Variants in ANO4 observed in about 807,000 individuals in gnomAD.
The protein encoded by ANO4 is anoctamin 4.
ANO4 carries 69 observed loss-of-function variants against 141.9 expected under a neutral mutation model. That is an observed-to-expected ratio of 0.49 (90% CI 0.40 to 0.59). ANO4 has a LOEUF of 0.59. ANO4 is among the 20% of genes least tolerant of loss of function. The pLI is 0.00. For missense variants in ANO4, 894 were observed against 1,162.2 expected (o/e 0.77, Z 3.36); for synonymous variants, 350 against 394.3 (o/e 0.89, Z 1.33).
intron 8 of ANO4, among the ~76,000 whole-genome samples, chr12:101,004,296 C>A (rs961277343): frequency 6.6e-6 from 1 of 152,026 alleles, no homozygotes; most frequent in African/African-American, 2.4e-5. Flanking sequence ...CTCAGAGAGG[C>A]CCTGTGGAGC....
At chr12:101,014,244 A>G (rs2046224587) in intron 8 of ANO4, among the ~76,000 whole-genome samples, 1 of 152,190 alleles carries the variant, frequency 6.6e-6, no homozygotes, top group Non-Finnish European at 1.5e-5. Context: ...CCACAGGAAG[A>G]ACCTATCAAT....
chr12:100,772,633 C>T (rs916235905), intron 3 of ANO4, among the ~76,000 whole-genome samples: 2 of 152,200 alleles, frequency 1.3e-5, no homozygotes, highest in African/African-American at 2.4e-5. Flanking sequence ...TGGAGCCTGA[C>T]GCAGCTGCAG....
At chr12:100,940,673 C>A (rs1272518669) in intron 4 of ANO4, among the ~76,000 whole-genome samples, 1 of 152,026 alleles carries the variant, frequency 6.6e-6, no homozygotes, top group Non-Finnish European at 1.5e-5. Context: ...AAGGTTTGTG[C>A]AAGAATGTGG....
intron 1 of ANO4, among the ~76,000 whole-genome samples, chr12:100,896,433 G>A (rs1052686350): frequency 1.3e-5 from 2 of 152,288 alleles, no homozygotes; most frequent in African/African-American, 4.8e-5. Context: ...GCAAGGAATG[G>A]ATTCTCCCCA....
At chr12:100,819,547 C>T (rs2035920931) in intron 1 of ANO4, among the ~76,000 whole-genome samples, 1 of 151,794 alleles carries the variant, frequency 6.6e-6, no homozygotes, top group African/African-American at 2.4e-5. Context: ...CAGTTCAAAA[C>T]AAGCATCACT....
chr12:100,740,825 A>G (rs991169247), intron 3 of ANO4, among the ~76,000 whole-genome samples: 5 of 152,236 alleles, frequency 3.3e-5, no homozygotes, highest in Admixed American at 1.3e-4. Context: ...GTATTTATAT[A>G]TAAGGTTTTC....
intron 3 of ANO4, among the ~76,000 whole-genome samples, chr12:100,784,387 C>T (rs759878207): frequency 1.3e-5 from 2 of 152,182 alleles, no homozygotes; most frequent in Non-Finnish European, 2.9e-5. Context: ...TGATATGGTA[C>T]TCTTCCTCTA....
intron 1 of ANO4, among the ~76,000 whole-genome samples, chr12:100,865,977 T>C (rs962654745): frequency 1.3e-5 from 2 of 152,122 alleles, no homozygotes; most frequent in African/African-American, 4.8e-5. Context: ...CTCTGACATC[T>C]CTCTCCCTTA....
At chr12:101,060,719 T>C (rs1555291132) in intron 14 of ANO4, among the ~76,000 whole-genome samples, 2 of 152,216 alleles carry the variant, frequency 1.3e-5, no homozygotes, top group Non-Finnish European at 2.9e-5. Context: ...TTTTTTTCTT[T>C]CCATTTGCTT....
chr12:100,971,454 A>G, intron 6 of ANO4, 48 bp downstream of exon 6: 1 of 1,316,406 alleles, frequency 7.6e-7, no homozygotes, highest in Non-Finnish European at 1.1e-6. Context: ...CTTCACTGTA[A>G]ATCTAATGTT....
chr12:100,980,378 T>A lies in ANO4; in HGVS notation c.602+5489T>A, dbSNP rs139374746. Among the ~76,000 whole-genome samples, 53 of 152,320 alleles carry A rather than the reference T, an allele frequency of 3.5e-4. 1 individual carries two copies. The East Asian group carries it at 8.3e-3, about 24-fold the overall frequency. ...ATCTACCTTAACTCTTCATTTCACATCAGAACAGACTGATTTAGATGATGG... is the reference window on the plus strand; with the variant it reads ...ATCTACCTTAACTCTTCATTTCACAACAGAACAGACTGATTTAGATGATGG... On this transcript the variant is annotated intron_variant, in intron 7 of 27. Transcript: ENST00000392977.
intron 5 of ANO4, among the ~76,000 whole-genome samples, chr12:100,950,132 A>G (rs2042910126): frequency 1.3e-5 from 2 of 152,140 alleles, no homozygotes. Flanking sequence ...CTTCCTTCAC[A>G]GTTGAAAACA....
At chr12:101,127,755 A>G (rs180748842) in intron 27 of ANO4, 106 bp from the exon 28 acceptor site, 1 of 152,666 alleles carries the variant, frequency 6.6e-6, no homozygotes, top group Non-Finnish European at 1.5e-5. Flanking sequence ...TGGGGTTACA[A>G]ATTCTTTGAA....
chr12:100,793,647 C>T (rs2034138928), upstream of ANO4, among the ~76,000 whole-genome samples: 2 of 152,032 alleles, frequency 1.3e-5, no homozygotes, highest in South Asian at 4.1e-4. Context: ...AGGGAGTTAT[C>T]TTTTCTGCAG....
Position 101,098,155 on chromosome 12 carries a change from C to T in ANO4, c.2006+210C>T, listed in dbSNP as rs142516299. 2.0e-4 allele frequency among the ~76,000 whole-genome samples: 30 copies of T among 152,226 alleles called. No individual in the cohort carries two copies. In the Middle Eastern group the frequency reaches 0.01, roughly 52 times the overall value. On this transcript the variant is annotated intron_variant, in intron 21 of 27. Transcript: ENST00000392977. Reference sequence around the variant, plus strand: ...ATTTAGCACAATTCACATGAACAAACGTGAATATTCTTTAAGGAGACTCTT... The same window carrying T: ...ATTTAGCACAATTCACATGAACAAATGTGAATATTCTTTAAGGAGACTCTT...
chr12:100,762,205 A>G (rs2032890480), intron 3 of ANO4, among the ~76,000 whole-genome samples: 1 of 152,240 alleles, frequency 6.6e-6, no homozygotes, highest in South Asian at 2.1e-4. Context: ...GGACCCAGTA[A>G]CTAACCCACC....
At chr12:100,944,604 T>C (rs2042647846) in intron 5 of ANO4, among the ~76,000 whole-genome samples, 1 of 152,008 alleles carries the variant, frequency 6.6e-6, no homozygotes, top group Admixed American at 6.6e-5. Flanking sequence ...TTCTGGAACC[T>C]TCTTCACAAG....
intron 8 of ANO4, among the ~76,000 whole-genome samples, chr12:101,014,101 A>G (rs952996916): frequency 1.2e-4 from 18 of 152,266 alleles, no homozygotes; most frequent in Middle Eastern, 3.4e-3. Flanking sequence ...CTCAAAATAT[A>G]TAAATATACA....
intron 3 of ANO4, among the ~76,000 whole-genome samples, chr12:100,925,550 C>T (rs917939321): frequency 1.3e-5 from 2 of 151,360 alleles, no homozygotes; most frequent in Non-Finnish European, 2.9e-5. Flanking sequence ...ATGTAGATGA[C>T]GGGTTGATAG....
Sources: allele counts gnomAD v4.1 joint callset (sites outside exome capture counted in the v4.1 genomes callset), GRCh38; gene constraint gnomAD v4.1.1; transcripts MANE v1.5; gene names NCBI Gene and HGNC (gene_info 2026-07-23, HGNC 2026-07-21).